Variants in NALCN observed in about 807,000 individuals in gnomAD.
The protein encoded by NALCN is sodium leak channel NALCN.
A neutral mutation model predicts 225.3 loss-of-function variants in NALCN; 111 were observed. That is an observed-to-expected ratio of 0.49 (90% CI 0.42 to 0.58). The LOEUF (loss-of-function observed/expected upper bound fraction) is 0.58. NALCN is among the 20% of genes least tolerant of loss of function. The pLI is 0.00. For synonymous variants in NALCN, 764 were observed against 769.0 expected (o/e 0.99, Z 0.11); for missense variants, 1,378 against 2,202.4 (o/e 0.63, Z 7.49).
intron 7 of NALCN, among the ~76,000 whole-genome samples, chr13:101,335,370 A>T (rs58421361): frequency 0.011 from 1,624 of 152,232 alleles, 32 homozygotes; most frequent in African/African-American, 0.036. Context: ...CAGTCCCTTT[A>T]AAAATCCTCA....
intron 13 of NALCN, among the ~76,000 whole-genome samples, chr13:101,220,006 G>A (rs2040875993): frequency 6.6e-6 from 1 of 152,136 alleles, no homozygotes; most frequent in African/African-American, 2.4e-5. Flanking sequence ...TACACACCTG[G>A]TAAATAGTGC....
intron 7 of NALCN, among the ~76,000 whole-genome samples, chr13:101,303,680 C>CT (rs2044051474): frequency 6.6e-6 from 1 of 152,142 alleles, no homozygotes; most frequent in Non-Finnish European, 1.5e-5. Context: ...AGCCAGAGAG[C>CT]TTTGGGCAGC....
At chr13:101,283,594 G>A (rs1379116275) in intron 10 of NALCN, among the ~76,000 whole-genome samples, 1 of 152,108 alleles carries the variant, frequency 6.6e-6, no homozygotes, top group Admixed American at 6.5e-5. Flanking sequence ...ACTCGGGGAG[G>A]TATGAAACAA....
chr13:101,057,681 G>C, intron 43 of NALCN: 1 of 476,812 alleles, frequency 2.1e-6, no homozygotes, highest in Non-Finnish European at 3.8e-6. Context: ...GCTGAATCTT[G>C]TCTTTTTCAT....
rs937941347 is a variant in NALCN at position 101,097,318 on chromosome 13, G to A, written c.3163-1638C>T. Among the ~76,000 whole-genome samples, 28 of 151,840 alleles carry A rather than the reference G, an allele frequency of 1.8e-4. No individual in the cohort carries two copies. The East Asian group carries it at 5.2e-3, about 28-fold the overall frequency. ...CTCATAAAGTTTATATTCTTCCATC[G>A]CCCACTTTTTTCAGCTAAAACTACA... On this transcript the variant is annotated intron_variant, in intron 27 of 43. Coordinates refer to ENST00000251127, the MANE Select transcript of NALCN (RefSeq NM_052867.4).
At chr13:101,398,127 T>C (rs1272391520) in intron 2 of NALCN, among the ~76,000 whole-genome samples, 2 of 152,212 alleles carry the variant, frequency 1.3e-5, no homozygotes. Flanking sequence ...CACACTAACG[T>C]ATTTTAATTT....
At chr13:101,384,417 G>A (rs1452737215) in intron 3 of NALCN, among the ~76,000 whole-genome samples, 3 of 150,972 alleles carry the variant, frequency 2.0e-5, no homozygotes, top group African/African-American at 4.9e-5. Flanking sequence ...AGGTAAGAAA[G>A]TAACAACATA....
chr13:101,360,191 TC>T (rs1405531879), intron 6 of NALCN, among the ~76,000 whole-genome samples: 4,308 of 41,434 alleles, frequency 0.1, 254 homozygotes, highest in African/African-American at 0.45. Flanking sequence ...CCTCTCTTCC[TC>T]TCTCTCTCTC....
intron 27 of NALCN, among the ~76,000 whole-genome samples, chr13:101,096,591 G>A (rs2139580351): frequency 6.6e-6 from 1 of 152,292 alleles, no homozygotes; most frequent in African/African-American, 2.4e-5. Context: ...GGGGGTAATA[G>A]TTAAGAGACA....
chr13:101,272,150 ATG>A (rs746311117), intron 10 of NALCN, among the ~76,000 whole-genome samples: 1 of 151,214 alleles, frequency 6.6e-6, no homozygotes, highest in Non-Finnish European at 1.5e-5. Flanking sequence ...GCGTGTGAGC[ATG>A]TGTGAGCCTG....
chr13:101,408,780 C>CA (rs1188911985), intron 1 of NALCN, among the ~76,000 whole-genome samples: 3 of 152,008 alleles, frequency 2.0e-5, no homozygotes, highest in Non-Finnish European at 4.4e-5. Context: ...TGTAGCTCTG[C>CA]AAAAAACAGA....
chr13:101,339,138 A>G (rs2045478003), intron 7 of NALCN, among the ~76,000 whole-genome samples: 1 of 152,216 alleles, frequency 6.6e-6, no homozygotes, highest in Admixed American at 6.5e-5. Context: ...AGTATTCAGA[A>G]AAGGGAAGAC....
chr13:101,387,248 A>G (rs1002550099), intron 3 of NALCN, among the ~76,000 whole-genome samples: 1 of 150,634 alleles, frequency 6.6e-6, no homozygotes, highest in Non-Finnish European at 1.5e-5. Flanking sequence ...AAAAAAAAAA[A>G]AAAAAACAGG....
At chr13:101,233,837 C>T (rs999003129) in intron 12 of NALCN, among the ~76,000 whole-genome samples, 2 of 152,146 alleles carry the variant, frequency 1.3e-5, no homozygotes, top group Admixed American at 1.3e-4. Context: ...AGGATGATAC[C>T]GATATGTAAG....
Position 101,065,413 on chromosome 13 carries a change from T to A in NALCN, c.4595A>T (p.Asp1532Val), listed in dbSNP as rs1353410609. The A allele has an allele frequency of 6.2e-7, 1 of 1,614,018 alleles. No homozygotes were observed. The highest frequency in any genetic ancestry group is 1.7e-5 in the Admixed American group (1 of 60,002). ...AAAGCCTGCCTTGTACCTCAGGACA[T>A]CATGGAAGGTGACGTCGCCGCCATT... ...LHNGGDVTFH[D>V]VLSMLSYRSV... Residue 1532 changes from aspartate (D) to valine (V), a missense_variant, in exon 40 of 44, where the codon GAT becomes GTT. Asp to Val is a radical substitution (Grantham distance 152). Transcript: ENST00000251127.
intron 6 of NALCN, among the ~76,000 whole-genome samples, chr13:101,365,381 T>G (rs2046353086): frequency 6.6e-6 from 1 of 152,198 alleles, no homozygotes; most frequent in African/African-American, 2.4e-5. Context: ...ATAGTCTCAT[T>G]CTTTCTCATG....
intron 10 of NALCN, among the ~76,000 whole-genome samples, chr13:101,283,208 T>C (rs970200860): frequency 6.6e-6 from 1 of 152,022 alleles, no homozygotes; most frequent in Non-Finnish European, 1.5e-5. Flanking sequence ...CTTGGTAAGG[T>C]GACATTATTT....
chr13:101,212,975 G>A (rs1469886582), intron 13 of NALCN, among the ~76,000 whole-genome samples: 1 of 152,000 alleles, frequency 6.6e-6, no homozygotes, highest in African/African-American at 2.4e-5. Context: ...CCAAAAAAGA[G>A]CCCGCATTGC....
At chr13:101,345,128 A>G (rs1168457502) in intron 7 of NALCN, 138 bp downstream of exon 7, 1 of 893,978 alleles carries the variant, frequency 1.1e-6, no homozygotes, top group East Asian at 2.7e-5. Flanking sequence ...TAAAATAGGC[A>G]TAGAATTAAA....
Sources: allele counts gnomAD v4.1 joint callset (sites outside exome capture counted in the v4.1 genomes callset), GRCh38; gene constraint gnomAD v4.1.1; transcripts MANE v1.5; gene names NCBI Gene and HGNC (gene_info 2026-07-23, HGNC 2026-07-21).